MAD1L1: variants seen among roughly 807,000 people sequenced by gnomAD.
MAD1L1 encodes mitotic spindle assembly checkpoint protein MAD1.
In MAD1L1, 95 loss-of-function variants were observed where a neutral mutation model predicts 96.9. That is an observed-to-expected ratio of 0.98 (90% confidence interval 0.83 to 1.16). MAD1L1 has a LOEUF of 1.16. Among genes scored for constraint, MAD1L1 ranks in the 50% most tolerant of loss-of-function variants. The pLI, the probability that MAD1L1 is intolerant of heterozygous loss-of-function variation, is 0.00. For synonymous variants in MAD1L1, 473 were observed against 396.6 expected, an observed-to-expected ratio of 1.19 and a Z score of -2.29; for missense variants, 1,007 against 954.4, an observed-to-expected ratio of 1.06 and a Z score of -0.73.
intron 14 of MAD1L1, among the ~76,000 whole-genome samples, chr7:2,001,220 G>A (rs1362667718): frequency 2.0e-5 from 3 of 152,244 alleles, no homozygotes; most frequent in Non-Finnish European, 2.9e-5. Context: ...GTACAACGCC[G>A]ACAGCAGCTC....
At chr7:1,923,601 G>T (rs889724627) in intron 17 of MAD1L1, among the ~76,000 whole-genome samples, 1 of 152,280 alleles carries the variant, frequency 6.6e-6, no homozygotes, top group African/African-American at 2.4e-5. Flanking sequence ...GACAGGGTGC[G>T]TGGGGCATGT....
chr7:2,145,221 C>T (rs1789236979), intron 11 of MAD1L1, among the ~76,000 whole-genome samples: 2 of 152,128 alleles, frequency 1.3e-5, no homozygotes, highest in African/African-American at 4.8e-5. Flanking sequence ...CCGCTGAATC[C>T]TCAAGCAGCC....
At chr7:2,179,578 GA>G (rs1304791306) in intron 10 of MAD1L1, among the ~76,000 whole-genome samples, 1 of 151,588 alleles carries the variant, frequency 6.6e-6, no homozygotes, top group Non-Finnish European at 1.5e-5. Flanking sequence ...AGGACAGAGG[GA>G]ACAGAATGGG....
chr7:2,069,577 A>G (rs1374452288), intron 11 of MAD1L1, among the ~76,000 whole-genome samples: 3 of 152,122 alleles, frequency 2.0e-5, no homozygotes, highest in Admixed American at 6.5e-5. Flanking sequence ...AGGGAGCTCA[A>G]CTCCACACAC....
intron 11 of MAD1L1, among the ~76,000 whole-genome samples, chr7:2,089,493 C>T (rs1009075571): frequency 6.6e-6 from 1 of 152,194 alleles, no homozygotes; most frequent in Non-Finnish European, 1.5e-5. Flanking sequence ...ACCATAAGTC[C>T]AATTAAACCT....
At chr7:1,883,596 T>C (rs965265228) in intron 18 of MAD1L1, among the ~76,000 whole-genome samples, 1 of 152,194 alleles carries the variant, frequency 6.6e-6, no homozygotes, top group South Asian at 2.1e-4. Context: ...TGACCTCTCA[T>C]GTCTCCAACC....
Position 2,219,300 on chromosome 7 carries a change from G to A in MAD1L1, c.596+32C>T, listed in dbSNP as rs753197758. 42 of 1,533,738 alleles carry A rather than the reference G, an allele frequency of 2.7e-5. No individual in the cohort carries two copies. The South Asian group carries it at 3.2e-4, about 12-fold the overall frequency. On this transcript the variant is annotated intron_variant, in intron 6 of 18. Transcript: ENST00000265854. ...GGACGCATGCCCCCACACGTGACCC[G>A]ACCCCCGACCCCACACCCTGGCCCC...
intron 11 of MAD1L1, among the ~76,000 whole-genome samples, chr7:2,109,220 T>C (rs1297092377): frequency 1.3e-5 from 2 of 152,280 alleles, no homozygotes; most frequent in African/African-American, 4.8e-5. Flanking sequence ...AGCCCTCTGG[T>C]GTCAATTACA....
At chr7:2,087,598 C>T (rs1785986297) in intron 11 of MAD1L1, among the ~76,000 whole-genome samples, 1 of 152,176 alleles carries the variant, frequency 6.6e-6, no homozygotes, top group Admixed American at 6.5e-5. Flanking sequence ...AAATGGAATA[C>T]AACTGTTGAA....
At chr7:2,050,077 C>T (rs1398986002) in intron 12 of MAD1L1, among the ~76,000 whole-genome samples, 1 of 131,216 alleles carries the variant, frequency 7.6e-6, no homozygotes, top group Admixed American at 7.8e-5. Context: ...CACACGTTCA[C>T]GGGGCACCTC....
chr7:1,852,721 G>C (rs1184480214), intron 18 of MAD1L1, among the ~76,000 whole-genome samples: 1 of 152,016 alleles, frequency 6.6e-6, no homozygotes. Flanking sequence ...AAATCACCCG[G>C]TGTCGGCACA....
At chr7:1,922,907 G>A (rs1257549086) in intron 17 of MAD1L1, among the ~76,000 whole-genome samples, 1 of 152,244 alleles carries the variant, frequency 6.6e-6, no homozygotes, top group East Asian at 1.9e-4. Context: ...CTGACGCGAT[G>A]GATTGTACCA....
intron 11 of MAD1L1, among the ~76,000 whole-genome samples, chr7:2,075,033 C>T (rs1405359704): frequency 1.3e-5 from 2 of 152,060 alleles, no homozygotes; most frequent in African/African-American, 4.8e-5. Context: ...CTGCACGGGA[C>T]GTGGAGAGCG....
chr7:2,085,686 G>A (rs1019159814), intron 11 of MAD1L1, among the ~76,000 whole-genome samples: 5 of 152,126 alleles, frequency 3.3e-5, no homozygotes, highest in Admixed American at 2.6e-4. Context: ...ATAACTCCTC[G>A]CTGGGTGGAC....
chr7:1,898,109 G>C, intron 18 of MAD1L1, 91 bp downstream of exon 18: 2 of 1,360,552 alleles, frequency 1.5e-6, no homozygotes, highest in Non-Finnish European at 2.0e-6. Flanking sequence ...TGGACGCGAG[G>C]CTGCTCCTTT....
chr7:2,062,891 C>T lies in MAD1L1; in HGVS notation c.1218+6303G>A, dbSNP rs142961289. 7.6e-4 allele frequency among the ~76,000 whole-genome samples: 116 copies of T among 152,302 alleles called. No individual in the cohort carries two copies. The East Asian group carries it at 9.9e-3, about 13-fold the overall frequency. The stretch of plus-strand genomic sequence containing the variant: ...ATCACAACAGCAGCAAAAAGGAACA[C>T]GCTGCATTCCCAGGGACGAAGGTCA... On this transcript the variant is annotated intron_variant, in intron 12 of 18. Transcript: ENST00000265854.
intron 12 of MAD1L1, among the ~76,000 whole-genome samples, chr7:2,020,205 G>A (rs992384655): frequency 2.6e-5 from 4 of 152,156 alleles, no homozygotes; most frequent in African/African-American, 9.7e-5. Flanking sequence ...GGGAGGCAGT[G>A]CCATGGACAG....
chr7:2,111,957 T>C (rs946682967), intron 11 of MAD1L1, among the ~76,000 whole-genome samples: 2 of 152,308 alleles, frequency 1.3e-5, no homozygotes, highest in Admixed American at 1.3e-4. Context: ...AAAGCCAACA[T>C]TTCCAGCAGC....
chr7:1,955,043 C>T (rs1171732044), intron 16 of MAD1L1, among the ~76,000 whole-genome samples: 2 of 152,224 alleles, frequency 1.3e-5, no homozygotes, highest in Non-Finnish European at 2.9e-5. Context: ...GGTCTCCTGG[C>T]CTCAGCACCG....
Sources: gnomAD v4.1 joint callset for allele counts (sites outside exome capture counted in the v4.1 genomes callset) on GRCh38, gnomAD v4.1.1 for gene constraint, MANE v1.5 for transcripts, NCBI Gene and HGNC (gene_info 2026-07-23, HGNC 2026-07-21) for gene names.